FANK1: variants seen among roughly 807,000 people sequenced by gnomAD.
FANK1 encodes fibronectin type III and ankyrin repeat domains 1.
A neutral mutation model predicts 45.3 loss-of-function variants in FANK1; 44 were observed. The observed-to-expected ratio is 0.97, with a 90% CI of 0.76 to 1.25. FANK1 has a LOEUF of 1.25. FANK1 is among the 50% of genes most tolerant of loss of function. The probability of loss-of-function intolerance (pLI) is 0.00; values close to 1 mark genes in which losing one functional copy is unlikely to be tolerated. For missense variants in FANK1, 391 were observed against 424.4 expected (o/e 0.92, Z 0.69); for synonymous variants, 149 against 152.5 (o/e 0.98, Z 0.17).
At chr10:125,993,901 G>A (rs750010556) in intron 3 of FANK1, among the ~76,000 whole-genome samples, 27 of 152,284 alleles carry the variant, frequency 1.8e-4, no homozygotes, top group East Asian at 3.9e-4. Flanking sequence ...AAAAGGTATC[G>A]GCTAAAGATC....
intron 3 of FANK1, chr10:125,989,259 A>G: frequency 2.6e-6 from 4 of 1,544,592 alleles, no homozygotes; most frequent in Non-Finnish European, 3.5e-6. Context: ...AAAGCATTTT[A>G]AAGATGCTAT....
intron 1 of FANK1, among the ~76,000 whole-genome samples, chr10:125,968,246 G>C (rs1564923357): frequency 6.6e-6 from 1 of 152,022 alleles, no homozygotes. Context: ...ATGTTGGTTG[G>C]CCACTGCACC....
rs556620649 is a variant in FANK1, at chr10:125,983,949, A to T, written c.191+3611A>T. ...GGACTGATGAAGAAGCTTTTGAAACAGTTTAGGTGGGAGACAACACAACAG... is the reference window on the plus strand; with the variant it reads ...GGACTGATGAAGAAGCTTTTGAAACTGTTTAGGTGGGAGACAACACAACAG... On this transcript the variant is annotated intron_variant, in intron 2 of 10. Coordinates refer to ENST00000368693, the MANE Select transcript of FANK1 (RefSeq NM_145235.5). The surrounding 1 kb of genome is among the most constrained non-coding windows in gnomAD (Gnocchi z 4.3). Among the ~76,000 whole-genome samples the T allele has an allele frequency of 6.6e-6, 1 of 152,306 alleles. No homozygotes were observed. The highest frequency in any genetic ancestry group is 2.1e-4 in the South Asian group (1 of 4,822).
chr10:125,925,894 G>A (rs1306167372), intron 1 of FANK1, among the ~76,000 whole-genome samples: 2 of 152,146 alleles, frequency 1.3e-5, no homozygotes, highest in Non-Finnish European at 2.9e-5. Context: ...ACATGCATAT[G>A]TGTTTGTGTC....
intron 1 of FANK1, among the ~76,000 whole-genome samples, chr10:125,943,844 C>A (rs1948607069): frequency 6.6e-6 from 1 of 152,222 alleles, no homozygotes; most frequent in Admixed American, 6.5e-5. Context: ...CTTGGAAAAT[C>A]TGAAGTAGTC....
At chr10:125,957,567 C>A (rs1414275207) in intron 1 of FANK1, among the ~76,000 whole-genome samples, 2 of 151,862 alleles carry the variant, frequency 1.3e-5, no homozygotes, top group East Asian at 3.9e-4. Context: ...CTCTGTTGCC[C>A]AGGCTGGAGT....
chr10:125,914,853 G>A (rs1355613901), intron 1 of FANK1, among the ~76,000 whole-genome samples: 1 of 152,192 alleles, frequency 6.6e-6, no homozygotes, highest in African/African-American at 2.4e-5. Flanking sequence ...CTGAACTCCC[G>A]GGTTGACTTA....
intron 1 of FANK1, among the ~76,000 whole-genome samples, chr10:125,962,445 T>TA (rs1490639855): frequency 3.9e-5 from 6 of 152,166 alleles, no homozygotes; most frequent in Non-Finnish European, 7.3e-5. Flanking sequence ...GGACTACAAT[T>TA]ACACGTATGT....
intron 1 of FANK1, among the ~76,000 whole-genome samples, chr10:125,954,981 G>A (rs1293586978): frequency 6.6e-6 from 1 of 151,970 alleles, no homozygotes; most frequent in African/African-American, 2.4e-5. Flanking sequence ...GTAACTAAAA[G>A]ACAGTTTTAA....
intron 6 of FANK1, chr10:126,004,113 A>C (rs901830969): frequency 1.3e-5 from 2 of 150,732 alleles, no homozygotes; most frequent in African/African-American, 4.9e-5. Context: ...GTCTTCTGTG[A>C]AAAACAGCTT....
chr10:125,954,190 C>A (rs769193712), intron 1 of FANK1, among the ~76,000 whole-genome samples: 46 of 145,246 alleles, frequency 3.2e-4, no homozygotes, highest in Admixed American at 1.8e-3. Flanking sequence ...AGAGCCATTG[C>A]GACAGGAGGG....
In FANK1 at chr10:125,980,228, A is replaced by T. The variant is rs1479221458; in HGVS notation, c.81A>T (p.Leu27Phe). 3 of 1,614,158 alleles carry T rather than the reference A, an allele frequency of 1.9e-6. No homozygotes were observed. The highest frequency in any genetic ancestry group is 2.5e-6 in the Non-Finnish European group (3 of 1,180,034). Residue 27 changes from leucine to phenylalanine, a missense_variant, in exon 2 of 11, where the codon TTA (leucine) becomes TTT (phenylalanine). Transcript: ENST00000368693. ...VGKVTHHSIE[L>F]YWDLEKKAKR... The stretch of plus-strand genomic sequence containing the variant: ...AAGTGACTCATCACAGCATTGAATT[A>T]TACTGGGATCTGGAAAAGAAAGCCA...
intron 1 of FANK1, among the ~76,000 whole-genome samples, chr10:125,964,042 T>C (rs1383942891): frequency 6.6e-6 from 1 of 152,194 alleles, no homozygotes; most frequent in Non-Finnish European, 1.5e-5. Flanking sequence ...ACATAAAATA[T>C]GTAAAATACT....
At chr10:125,937,846 C>T (rs555198279) in intron 1 of FANK1, among the ~76,000 whole-genome samples, 51 of 152,214 alleles carry the variant, frequency 3.4e-4, no homozygotes, top group Non-Finnish European at 6.8e-4. Context: ...GGTGAGGGAA[C>T]GGGGCTTAAA....
In FANK1 at chr10:125,925,456, G is replaced by A. The variant is rs188531230; in HGVS notation, c.13+28801G>A. Among the ~76,000 whole-genome samples, 81 of 152,290 alleles carry A rather than the reference G, an allele frequency of 5.3e-4. No individual in the cohort carries two copies. The East Asian group carries it at 0.01, about 20-fold the overall frequency. Reference sequence around the variant, plus strand: ...GTGCTGCCCAGGCTATAGTGCAGGGGCTGTTCACAGGTGTTCACAGGTGGC... The same window carrying A: ...GTGCTGCCCAGGCTATAGTGCAGGGACTGTTCACAGGTGTTCACAGGTGGC... On this transcript the variant is annotated intron_variant, in intron 1 of 10. Transcript: ENST00000368693.
In FANK1 at chr10:125,934,729, T is replaced by TGC. The variant is rs1564888227; in HGVS notation, c.13+38074_13+38075insGC. 4.3e-3 allele frequency among the ~76,000 whole-genome samples: 42 copies of TGC among 9,660 alleles called. 2 individuals are homozygous for TGC. Among genetic ancestry groups the TGC allele is most frequent in the African/African-American group, 0.011 (40 of 3,490 alleles). 6.3% of individuals were successfully genotyped at this position (9,660 alleles called of 152,430 possible). A position where few individuals can be genotyped will look rare whatever the true frequency, so the allele number is the denominator to read the frequency against. ...CCACCACCTGTACCCCTACCGTTTT[T>TGC]TTTTTTTTTTTTTTTTTTTTTTTTT... On this transcript the variant is annotated intron_variant, in intron 1 of 10. Transcript: ENST00000368693.
At chr10:125,906,915 A>T (rs936082369) in intron 1 of FANK1, among the ~76,000 whole-genome samples, 2 of 152,220 alleles carry the variant, frequency 1.3e-5, no homozygotes, top group Admixed American at 6.5e-5. Flanking sequence ...TCTAGAGAAG[A>T]GTGTGGCAAG....
intron 7 of FANK1, 63 bp from the exon 8 acceptor site, chr10:126,008,344 A>G: frequency 6.6e-7 from 1 of 1,504,862 alleles, no homozygotes; most frequent in Non-Finnish European, 8.9e-7. Context: ...TTCCTTTTAT[A>G]AGTTTGAATC....
At chr10:125,987,598 A>G (rs1951650762) in intron 2 of FANK1, among the ~76,000 whole-genome samples, 1 of 152,104 alleles carries the variant, frequency 6.6e-6, no homozygotes, top group African/African-American at 2.4e-5. Context: ...ATTTAGAGAT[A>G]AGATTTGAAA....
Sources: gnomAD v4.1 joint callset for allele counts (sites outside exome capture counted in the v4.1 genomes callset) on GRCh38, gnomAD v4.1.1 for gene constraint, Gnocchi (gnomAD v3.1) non-coding constraint, MANE v1.5 for transcripts, NCBI Gene and HGNC (gene_info 2026-07-23, HGNC 2026-07-21) for gene names.